MAP4K5: variants seen among roughly 807,000 people sequenced by gnomAD.
MAP4K5 encodes the protein mitogen-activated protein kinase kinase kinase kinase 5.
MAP4K5 carries 82 observed loss-of-function variants against 135.6 expected under a neutral mutation model. That is an observed-to-expected ratio of 0.60 (90% CI 0.51 to 0.73). The LOEUF (loss-of-function observed/expected upper bound fraction) is 0.73, where lower values mean the gene tolerates loss of function less well. Ranked by LOEUF, MAP4K5 falls within the 30% of genes least tolerant of loss-of-function variation. MAP4K5 has a pLI of 0.00. For synonymous variants in MAP4K5, 347 were observed against 335.0 expected, an observed-to-expected ratio of 1.04 and a Z score of -0.39; for missense variants, 907 against 1,010.9, an observed-to-expected ratio of 0.90 and a Z score of 1.39.
intron 3 of MAP4K5, among the ~76,000 whole-genome samples, chr14:50,490,645 C>T (rs963899019): frequency 8.5e-4 from 129 of 152,294 alleles, no homozygotes; most frequent in African/African-American, 3.0e-3. Flanking sequence ...CTCTAAACTA[C>T]AATTTTTAAC....
chr14:50,549,425 T>C (rs1179006743), intron 1 of MAP4K5, among the ~76,000 whole-genome samples: 2 of 152,116 alleles, frequency 1.3e-5, no homozygotes, highest in Non-Finnish European at 2.9e-5. Context: ...CTGCACCAAG[T>C]CACATACATA....
At chr14:50,455,137 A>G (rs1444085763) in intron 14 of MAP4K5, among the ~76,000 whole-genome samples, 2 of 152,046 alleles carry the variant, frequency 1.3e-5, no homozygotes, top group Non-Finnish European at 2.9e-5. Context: ...ATAAATAATG[A>G]AACAAATGAG....
intron 17 of MAP4K5, among the ~76,000 whole-genome samples, chr14:50,445,842 T>C (rs1247083241): frequency 6.6e-6 from 1 of 152,176 alleles, no homozygotes; most frequent in Non-Finnish European, 1.5e-5. Flanking sequence ...GCTGGGATTA[T>C]ATGCGTGAGC....
chr14:50,544,672 A>T (rs1169347325), intron 1 of MAP4K5, among the ~76,000 whole-genome samples: 1 of 152,130 alleles, frequency 6.6e-6, no homozygotes, highest in Admixed American at 6.5e-5. Flanking sequence ...GGTGGCTCAC[A>T]CTTGTAATCT....
At chr14:50,490,561 A>C (rs1423201958) in intron 3 of MAP4K5, among the ~76,000 whole-genome samples, 1 of 152,222 alleles carries the variant, frequency 6.6e-6, no homozygotes, top group East Asian at 1.9e-4. Flanking sequence ...AAAGTGTACA[A>C]GTACAAGATC....
chr14:50,530,761 C>T (rs1000002134), intron 2 of MAP4K5, among the ~76,000 whole-genome samples: 8 of 152,272 alleles, frequency 5.3e-5, no homozygotes, highest in Non-Finnish European at 1.0e-4. Context: ...GACTCAAATG[C>T]TTGTTTAAGC....
At chr14:50,559,095 A>G (rs1216378683) in intron 1 of MAP4K5, 2 of 152,396 alleles carry the variant, frequency 1.3e-5, no homozygotes, top group East Asian at 3.8e-4. Flanking sequence ...GCAGAAGACT[A>G]CAAGTATAGA....
At chr14:50,553,226 G>A (rs1012613680) in intron 1 of MAP4K5, among the ~76,000 whole-genome samples, 2 of 150,562 alleles carry the variant, frequency 1.3e-5, no homozygotes, top group African/African-American at 2.4e-5. Context: ...AGCCGAGATC[G>A]TGCCACTGCA....
At chr14:50,512,424 A>G (rs919358132) in intron 2 of MAP4K5, among the ~76,000 whole-genome samples, 2 of 152,160 alleles carry the variant, frequency 1.3e-5, no homozygotes, top group Admixed American at 1.3e-4. Flanking sequence ...ACAAAATGAC[A>G]TAAAATAAAG....
At chr14:50,552,516 C>G (rs956174347) in intron 1 of MAP4K5, among the ~76,000 whole-genome samples, 1 of 152,042 alleles carries the variant, frequency 6.6e-6, no homozygotes, top group African/African-American at 2.4e-5. Flanking sequence ...GAAAAATATC[C>G]TAAAATTTGT....
intron 13 of MAP4K5, among the ~76,000 whole-genome samples, chr14:50,457,498 C>T (rs1481375570): frequency 6.6e-6 from 1 of 152,138 alleles, no homozygotes; most frequent in Non-Finnish European, 1.5e-5. Flanking sequence ...CTGTCATTCA[C>T]TGATGACTCT....
At chr14:50,473,881 G>C (rs915713473) in intron 9 of MAP4K5, among the ~76,000 whole-genome samples, 2 of 151,786 alleles carry the variant, frequency 1.3e-5, no homozygotes, top group African/African-American at 2.4e-5. Flanking sequence ...CTGCCACGAC[G>C]CCCGGCTAAT....
chr14:50,550,685 AT>A (rs964001700), intron 1 of MAP4K5, among the ~76,000 whole-genome samples: 14 of 152,238 alleles, frequency 9.2e-5, no homozygotes, highest in African/African-American at 2.4e-4. Flanking sequence ...GAAAATCAAA[AT>A]TATATCAAGT....
At chr14:50,511,347 T>TA (rs1235309596) in intron 2 of MAP4K5, among the ~76,000 whole-genome samples, 2 of 152,056 alleles carry the variant, frequency 1.3e-5, no homozygotes, top group East Asian at 1.9e-4. Flanking sequence ...ATGTGGAAGC[T>TA]AAAAAAAGTT....
intron 9 of MAP4K5, among the ~76,000 whole-genome samples, chr14:50,473,011 T>C (rs911726362): frequency 1.3e-5 from 2 of 152,176 alleles, no homozygotes; most frequent in Non-Finnish European, 2.9e-5. Context: ...TCCATGAAAA[T>C]ATTGAGGTGA....
Position 50,532,043 on chromosome 14 carries a change from C to G in MAP4K5, c.7G>C (p.Ala3Pro). Reference sequence around the variant, plus strand: ...ATGTCCGCGGCAGGCCGCAGCGGGGCCTCCATCTTCACTTAGGGCCCGGCC... The same window carrying G: ...ATGTCCGCGGCAGGCCGCAGCGGGGGCTCCATCTTCACTTAGGGCCCGGCC... MEAPLRPAADILR... is the reference protein window; with the variant it reads MEPPLRPAADILR... Residue 3 changes from alanine (A) to proline (P), a missense_variant, in exon 2 of 33, where the codon GCC becomes CCC. Physicochemically the swap from Ala to Pro is conservative, Grantham distance 27. Around this residue, in one of 3 missense-constraint regions of MAP4K5, gnomAD observed 196 missense variants for 189.3 expected, o/e 1.04. Coordinates refer to ENST00000682126, the MANE Select transcript of MAP4K5 (RefSeq NM_006575.6). 1.2e-5 allele frequency: 19 copies of G among 1,563,226 alleles called. No homozygotes were observed. Among genetic ancestry groups the G allele is most frequent in the Non-Finnish European group, 1.6e-5 (19 of 1,151,558 alleles).
intron 11 of MAP4K5, among the ~76,000 whole-genome samples, chr14:50,464,470 T>C (rs988323792): frequency 1.3e-5 from 2 of 152,202 alleles, no homozygotes; most frequent in African/African-American, 4.8e-5. Context: ...TATGTAAATA[T>C]TGTGCTATAC....
intron 2 of MAP4K5, among the ~76,000 whole-genome samples, chr14:50,518,307 G>A (rs1240925300): frequency 6.6e-6 from 1 of 152,042 alleles, no homozygotes; most frequent in East Asian, 1.9e-4. Context: ...TACATGTGCA[G>A]AAGAATGTGC....
intron 14 of MAP4K5, chr14:50,449,054 G>A (rs186703275): frequency 2.5e-5 from 11 of 444,852 alleles, no homozygotes; most frequent in Admixed American, 1.3e-4. Context: ...ATTCTTGTTT[G>A]GAATCAGGAA....
Sources: gnomAD v4.1 joint callset for allele counts (sites outside exome capture counted in the v4.1 genomes callset) on GRCh38, gnomAD v4.1.1 for gene constraint, gnomAD v4.1.1 regional missense constraint, MANE v1.5 for transcripts, NCBI Gene and HGNC (gene_info 2026-07-23, HGNC 2026-07-21) for gene names.